COL23A1: variants seen among roughly 807,000 people sequenced by gnomAD.
COL23A1 encodes the protein collagen type XXIII alpha 1 chain.
In COL23A1, 97 loss-of-function variants were observed where a neutral mutation model predicts 99.3. The observed-to-expected ratio is 0.98, with a 90% CI of 0.83 to 1.16. The LOEUF (loss-of-function observed/expected upper bound fraction) is 1.16, where lower values mean the gene tolerates loss of function less well. COL23A1 is among the 50% of genes most tolerant of loss of function. The pLI, the probability that COL23A1 is intolerant of heterozygous loss-of-function variation, is 0.00. For synonymous variants in COL23A1, 320 were observed against 308.2 expected, an observed-to-expected ratio of 1.04 and a Z score of -0.40; for missense variants, 762 against 757.4, an observed-to-expected ratio of 1.01 and a Z score of -0.07.
chr5:178,571,304 G>A (rs897504074), intron 1 of COL23A1, among the ~76,000 whole-genome samples: 1 of 152,130 alleles, frequency 6.6e-6, no homozygotes, highest in Non-Finnish European at 1.5e-5. Flanking sequence ...AGAGGTTGCA[G>A]TGAGCCAAGA....
At chr5:178,543,159 G>A (rs572180350) in intron 2 of COL23A1, among the ~76,000 whole-genome samples, 2 of 151,946 alleles carry the variant, frequency 1.3e-5, no homozygotes, top group African/African-American at 4.8e-5. Flanking sequence ...CCAGGCTGGA[G>A]TGCAATGGCG....
intron 2 of COL23A1, among the ~76,000 whole-genome samples, chr5:178,505,705 G>A (rs911567328): frequency 9.2e-5 from 14 of 152,250 alleles, no homozygotes; most frequent in Admixed American, 2.0e-4. Flanking sequence ...TTTTGAAGGG[G>A]CACAATTCAA....
At chr5:178,266,924 G>T (rs1039934721) in intron 8 of COL23A1, among the ~76,000 whole-genome samples, 1 of 152,242 alleles carries the variant, frequency 6.6e-6, no homozygotes, top group Admixed American at 6.5e-5. Context: ...CTTGTTCAGG[G>T]TCACTCAGCT....
chr5:178,423,398 T>C (rs921989058), intron 2 of COL23A1, among the ~76,000 whole-genome samples: 1 of 152,172 alleles, frequency 6.6e-6, no homozygotes, highest in African/African-American at 2.4e-5. Context: ...ATCATGAGAA[T>C]GAACCAGTGA....
intron 2 of COL23A1, among the ~76,000 whole-genome samples, chr5:178,421,295 G>C (rs577338451): frequency 1.3e-5 from 2 of 152,266 alleles, no homozygotes; most frequent in East Asian, 3.9e-4. Flanking sequence ...ACTGGACTTG[G>C]ATCTGGAAGA....
chr5:178,537,855 T>C (rs939731031), intron 2 of COL23A1, among the ~76,000 whole-genome samples: 1 of 152,184 alleles, frequency 6.6e-6, no homozygotes, highest in Non-Finnish European at 1.5e-5. Flanking sequence ...ATTCACACTG[T>C]CGTGCCACCA....
In COL23A1 at chr5:178,268,864, G is replaced by A. The variant is rs937056852; in HGVS notation, c.469-108C>T. ...GGCAGAAGGGCCCGTGATGCTGGGCGGCTGAGTGGAAAATTACACATGAGC... is the reference window on the plus strand; with the variant it reads ...GGCAGAAGGGCCCGTGATGCTGGGCAGCTGAGTGGAAAATTACACATGAGC... On this transcript the variant is annotated intron_variant, in intron 6 of 28. Transcript: ENST00000390654. 3.6e-5 allele frequency: 42 copies of A among 1,173,048 alleles called. No individual in the cohort carries two copies. In the African/African-American group the frequency reaches 4.3e-4, roughly 12 times the overall value. 72.7% of individuals were successfully genotyped at this position (1,173,048 alleles called of 1,614,324 possible).
intron 2 of COL23A1, among the ~76,000 whole-genome samples, chr5:178,475,922 G>T (rs75410855): frequency 5.3e-5 from 8 of 152,188 alleles, no homozygotes; most frequent in African/African-American, 1.9e-4. Flanking sequence ...CTTGGACATC[G>T]TCTATCTCTG....
chr5:178,582,068 G>C (rs1763687427), intron 1 of COL23A1, among the ~76,000 whole-genome samples: 1 of 151,904 alleles, frequency 6.6e-6, no homozygotes, highest in Non-Finnish European at 1.5e-5. Context: ...GGGAACAGGT[G>C]CAGTAGCTTA....
chr5:178,329,545 C>T (rs73804796), intron 2 of COL23A1, among the ~76,000 whole-genome samples: 4 of 152,018 alleles, frequency 2.6e-5, no homozygotes, highest in Non-Finnish European at 5.9e-5. Context: ...AGTCCAAAAA[C>T]GCCCCGCACC....
chr5:178,335,106 C>T (rs187386146), intron 2 of COL23A1, among the ~76,000 whole-genome samples: 1 of 152,358 alleles, frequency 6.6e-6, no homozygotes, highest in Admixed American at 6.5e-5. Context: ...ACAGACCAAA[C>T]ACAGTAACGG....
At chr5:178,505,211 C>A (rs1423484772) in intron 2 of COL23A1, among the ~76,000 whole-genome samples, 2 of 151,970 alleles carry the variant, frequency 1.3e-5, no homozygotes, top group Non-Finnish European at 2.9e-5. Flanking sequence ...TTCATCTTCA[C>A]TCGGTATTCT....
intron 2 of COL23A1, among the ~76,000 whole-genome samples, chr5:178,404,770 G>T (rs1764666395): frequency 2.0e-5 from 3 of 152,124 alleles, no homozygotes; most frequent in Admixed American, 2.0e-4. Context: ...GGCCTTGAGG[G>T]TTGACAGAGA....
Position 178,365,136 on chromosome 5 carries a change from C to CGTGTGCGT in COL23A1, c.362-58218_362-58217insACGCACAC, listed in dbSNP as rs1554147541. On this transcript the variant is annotated intron_variant, in intron 2 of 28. Coordinates refer to ENST00000390654, the MANE Select transcript of COL23A1 (RefSeq NM_173465.4). The surrounding 1 kb of genome is among the most constrained non-coding windows in gnomAD (Gnocchi z 5.2). ...GGGCTTTATGATGTTGCTGTGTGTGCGTGTGTGTGTGTGTGTGTGTGTGTG... is the reference window on the plus strand; with the variant it reads ...GGGCTTTATGATGTTGCTGTGTGTGCGTGTGCGTGTGTGTGTGTGTGTGTGTGTGTGTG... Among the ~76,000 whole-genome samples the CGTGTGCGT allele has an allele frequency of 4.1e-5, 6 of 147,910 alleles. No homozygotes were observed. In the East Asian group the frequency reaches 1.0e-3, roughly 25 times the overall value.
At chr5:178,407,944 T>C (rs1176089081) in intron 2 of COL23A1, among the ~76,000 whole-genome samples, 1 of 152,074 alleles carries the variant, frequency 6.6e-6, no homozygotes, top group East Asian at 1.9e-4. Flanking sequence ...GCTGGGGAAT[T>C]TCCAGATGTG....
intron 22 of COL23A1, among the ~76,000 whole-genome samples, chr5:178,247,271 G>A (rs1764752535): frequency 6.6e-6 from 1 of 152,102 alleles, no homozygotes. Context: ...ACCTGAGGAG[G>A]AGAGAGGGAC....
intron 2 of COL23A1, among the ~76,000 whole-genome samples, chr5:178,380,362 A>C (rs1474792921): frequency 6.6e-6 from 1 of 151,712 alleles, no homozygotes; most frequent in Non-Finnish European, 1.5e-5. Flanking sequence ...CAGCCACGTA[A>C]AACTTATCCT....
intron 6 of COL23A1, among the ~76,000 whole-genome samples, chr5:178,269,421 G>A (rs186427074): frequency 8.9e-3 from 164 of 18,370 alleles, no homozygotes; most frequent in African/African-American, 0.015. Flanking sequence ...CCATCCACCC[G>A]TCCATCCACC....
intron 16 of COL23A1, among the ~76,000 whole-genome samples, chr5:178,254,285 C>T (rs985436538): frequency 3.4e-5 from 5 of 148,498 alleles, no homozygotes; most frequent in African/African-American, 7.3e-5. Context: ...CCACACCACG[C>T]CACGCCACGC....
Sources: gnomAD v4.1 joint callset for allele counts (sites outside exome capture counted in the v4.1 genomes callset) on GRCh38, gnomAD v4.1.1 for gene constraint, Gnocchi (gnomAD v3.1) non-coding constraint, MANE v1.5 for transcripts, NCBI Gene and HGNC (gene_info 2026-07-23, HGNC 2026-07-21) for gene names.